CCDC33: variants seen among roughly 807,000 people sequenced by gnomAD.
The protein encoded by CCDC33 is coiled-coil domain containing 33.
A neutral mutation model predicts 91.9 loss-of-function variants in CCDC33; 94 were observed. The observed-to-expected ratio is 1.02, with a 90% CI of 0.87 to 1.21. The LOEUF is 1.21. Among genes scored for constraint, CCDC33 ranks in the 50% most tolerant of loss-of-function variants. CCDC33 has a pLI of 0.00. For missense variants in CCDC33, 940 were observed against 935.5 expected, an observed-to-expected ratio of 1.00 and a Z score of -0.06; for synonymous variants, 396 against 374.5, an observed-to-expected ratio of 1.06 and a Z score of -0.66.
intron 11 of CCDC33, among the ~76,000 whole-genome samples, chr15:74,306,933 C>T (rs2059903999): frequency 6.6e-6 from 1 of 152,184 alleles, no homozygotes; most frequent in Non-Finnish European, 1.5e-5. Context: ...CCCTCCTGGG[C>T]CTCCGTCTCC....
intron 2 of CCDC33, among the ~76,000 whole-genome samples, chr15:74,253,157 C>G (rs897810364): frequency 1.3e-5 from 2 of 152,200 alleles, no homozygotes; most frequent in African/African-American, 4.8e-5. Flanking sequence ...TGAGGCAGGC[C>G]AGAGGGGGCC....
chr15:74,222,409 GCTC>G (rs386785361), intron 2 of CCDC33, among the ~76,000 whole-genome samples: 152,312 of 152,316 alleles, frequency 1, 76,154 homozygotes, highest in Non-Finnish European at 1. Flanking sequence ...GGGGTGCACT[GCTC>G]CTCCCTCCCC....
upstream of CCDC33, among the ~76,000 whole-genome samples, chr15:74,213,933 C>G (rs2074391432): frequency 6.6e-6 from 1 of 152,198 alleles, no homozygotes; most frequent in Non-Finnish European, 1.5e-5. Flanking sequence ...GCCACGTGCT[C>G]TCTCTGCACC....
At chr15:74,208,813 C>A in intron 1 of CCDC33, 1 of 988,474 alleles carries the variant, frequency 1.0e-6, no homozygotes, top group South Asian at 4.7e-5. Context: ...CAATCAAGCG[C>A]TCTCCTGACC....
At chr15:74,259,994 T>A (rs1392089162) in intron 2 of CCDC33, among the ~76,000 whole-genome samples, 3 of 152,260 alleles carry the variant, frequency 2.0e-5, no homozygotes, top group Non-Finnish European at 4.4e-5. Context: ...TTCTGCTGTT[T>A]CTGTGCAGGT....
At chr15:74,320,584 A>G (rs1240016271) in intron 11 of CCDC33, among the ~76,000 whole-genome samples, 2 of 152,140 alleles carry the variant, frequency 1.3e-5, no homozygotes, top group African/African-American at 4.8e-5. Flanking sequence ...GATATATGCC[A>G]GAGTCCAAAA....
rs1489642082 is a variant in CCDC33 at position 74,237,165 on chromosome 15, G to A, written c.21+425G>A. ...CCTGGCCCTGATTTTCTGGGGCCTA[G>A]GCCCCTGTCCTGGAACACAGATGCT... On this transcript the variant is annotated intron_variant, in intron 1 of 18. Transcript: ENST00000398814. 2.0e-5 allele frequency among the ~76,000 whole-genome samples: 3 copies of A among 152,356 alleles called. No homozygotes were observed. The East Asian group carries it at 5.8e-4, about 29-fold the overall frequency.
chr15:74,329,489 G>A (rs1351119596), intron 11 of CCDC33, among the ~76,000 whole-genome samples: 1 of 152,130 alleles, frequency 6.6e-6, no homozygotes, highest in African/African-American at 2.4e-5. Context: ...ACTGAGGGAG[G>A]GCACATAAAA....
intron 11 of CCDC33, among the ~76,000 whole-genome samples, chr15:74,308,469 T>C (rs1332830227): frequency 6.6e-6 from 1 of 151,784 alleles, no homozygotes; most frequent in Non-Finnish European, 1.5e-5. Context: ...AAAATGCTCA[T>C]TCATCGGCTC....
chr15:74,294,442 AAAAAAAAAAAAC>A (rs1239469075), intron 10 of CCDC33, among the ~76,000 whole-genome samples: 3 of 1,110 alleles, frequency 2.7e-3, no homozygotes, highest in Non-Finnish European at 4.3e-3. Flanking sequence ...AATTTTATTT[AAAAAAAAAAAAC>A]AAAAAAAAAG....
intron 2 of CCDC33, among the ~76,000 whole-genome samples, chr15:74,260,734 A>G (rs1407136182): frequency 6.6e-6 from 1 of 152,174 alleles, no homozygotes; most frequent in African/African-American, 2.4e-5. Flanking sequence ...GCAGCCAGAC[A>G]TTCCCAATTG....
upstream of CCDC33, among the ~76,000 whole-genome samples, chr15:74,232,660 T>C (rs936619384): frequency 1.3e-5 from 2 of 152,206 alleles, 1 homozygote; most frequent in Non-Finnish European, 2.9e-5. Context: ...CTCATAGCTG[T>C]GTGATCTTGG....
At chr15:74,274,157 GGGTTGGTACA>G (rs1265806157) in intron 7 of CCDC33, among the ~76,000 whole-genome samples, 5 of 152,234 alleles carry the variant, frequency 3.3e-5, no homozygotes, top group African/African-American at 1.2e-4. Context: ...AACAGAGGAA[GGGTTGGTACA>G]GGTTGGACAC....
At chr15:74,242,537 G>C (rs2075381640) in intron 1 of CCDC33, among the ~76,000 whole-genome samples, 1 of 152,186 alleles carries the variant, frequency 6.6e-6, no homozygotes, top group South Asian at 2.1e-4. Context: ...GGCCCCTCAG[G>C]GCCCTGCCTC....
chr15:74,280,818 G>C lies in CCDC33; in HGVS notation c.1023+17G>C, dbSNP rs1486597550. The C allele has an allele frequency of 6.8e-7, 1 of 1,472,742 alleles. No individual in the cohort carries two copies. Among genetic ancestry groups the C allele is most frequent in the East Asian group, 2.6e-5 (1 of 38,354 alleles). 91.2% of individuals were successfully genotyped at this position (1,472,742 alleles called of 1,614,324 possible). On this transcript the variant is annotated intron_variant, in intron 9 of 18. Transcript: ENST00000398814. ...CCCATCATGGTGAGCCCCCTGCCCT[G>C]AACTGGGCCCCTAGCGTGCCCACCT...
At chr15:74,304,819 C>T (rs1410871634) in intron 11 of CCDC33, among the ~76,000 whole-genome samples, 1 of 152,210 alleles carries the variant, frequency 6.6e-6, no homozygotes, top group African/African-American at 2.4e-5. Flanking sequence ...CACTCACACT[C>T]CTCCAGCCTT....
intron 10 of CCDC33, among the ~76,000 whole-genome samples, chr15:74,293,820 A>G (rs1009091208): frequency 6.6e-6 from 1 of 152,058 alleles, no homozygotes; most frequent in Non-Finnish European, 1.5e-5. Context: ...GGCGTTGTCT[A>G]TTTTGCACCC....
chr15:74,335,219 T>G (rs997752924), intron 18 of CCDC33, 131 bp downstream of exon 18: 1 of 791,754 alleles, frequency 1.3e-6, no homozygotes, highest in Non-Finnish European at 2.3e-6. Flanking sequence ...TCAGGAGTCC[T>G]AGGCTCCCAT....
intron 6 of CCDC33, among the ~76,000 whole-genome samples, chr15:74,272,548 G>GT (rs2076345899): frequency 6.6e-6 from 1 of 152,198 alleles, no homozygotes; most frequent in East Asian, 1.9e-4. Flanking sequence ...CTCCTGTTGA[G>GT]TTTTTATGAC....
Sources: gnomAD v4.1 joint callset for allele counts (sites outside exome capture counted in the v4.1 genomes callset) on GRCh38, gnomAD v4.1.1 for gene constraint, MANE v1.5 for transcripts, NCBI Gene and HGNC (gene_info 2026-07-23, HGNC 2026-07-21) for gene names.